CNTNAP5: variants seen among roughly 807,000 people sequenced by gnomAD.
The protein encoded by CNTNAP5 is contactin associated protein family member 5.
CNTNAP5 carries 72 observed loss-of-function variants against 150.2 expected under a neutral mutation model. That is an observed-to-expected ratio of 0.48 (90% CI 0.40 to 0.58). CNTNAP5 has a LOEUF of 0.58. Ranked by LOEUF, CNTNAP5 falls within the 20% of genes least tolerant of loss-of-function variation. The pLI, the probability that CNTNAP5 is intolerant of heterozygous loss-of-function variation, is 0.00. For synonymous variants in CNTNAP5, 672 were observed against 619.8 expected (o/e 1.08, Z -1.25); for missense variants, 1,636 against 1,626.2 (o/e 1.01, Z -0.10).
intron 3 of CNTNAP5, among the ~76,000 whole-genome samples, chr2:124,263,212 A>G (rs140759140): frequency 0.077 from 11,700 of 152,252 alleles, 617 homozygotes; most frequent in Non-Finnish European, 0.12. Context: ...TAGATCCTTG[A>G]GGAATCGCCA....
At chr2:124,835,130 A>G (rs1682802413) in intron 19 of CNTNAP5, among the ~76,000 whole-genome samples, 1 of 152,180 alleles carries the variant, frequency 6.6e-6, no homozygotes, top group South Asian at 2.1e-4. Context: ...TAATCAAACT[A>G]CACAGTTTTA....
chr2:124,319,012 T>C (rs1431328564), intron 3 of CNTNAP5, among the ~76,000 whole-genome samples: 1 of 152,176 alleles, frequency 6.6e-6, no homozygotes, highest in Admixed American at 6.5e-5. Flanking sequence ...GTTTTTAGCC[T>C]TTTCCACTGG....
At position 124,859,240 on chromosome 2, in the gene CNTNAP5, T is replaced by C. The variant is rs1434937109; in HGVS notation, c.3218-6066T>C. ...AAAAACAAACAACCCCATCAACAAGTGGGCAAAGGATATGAACAGACACTT... is the reference window on the plus strand; with the variant it reads ...AAAAACAAACAACCCCATCAACAAGCGGGCAAAGGATATGAACAGACACTT... On this transcript the variant is annotated intron_variant, in intron 19 of 23. Transcript: ENST00000682447. Among the ~76,000 whole-genome samples the C allele has an allele frequency of 9.2e-5, 14 of 152,158 alleles. No homozygotes were observed. In the East Asian group the frequency reaches 2.7e-3, roughly 29 times the overall value.
chr2:124,376,347 T>C (rs1042218254), intron 3 of CNTNAP5, among the ~76,000 whole-genome samples: 2 of 152,086 alleles, frequency 1.3e-5, no homozygotes, highest in African/African-American at 4.8e-5. Flanking sequence ...TAGACATTAC[T>C]AGGAAGCAAT....
intron 13 of CNTNAP5, among the ~76,000 whole-genome samples, chr2:124,649,720 C>T (rs192378500): frequency 1.2e-3 from 183 of 152,192 alleles, no homozygotes; most frequent in Admixed American, 2.3e-3. Flanking sequence ...TCTATAGTTT[C>T]GATTTCACCA....
At chr2:124,880,789 T>C (rs1381077667) in intron 21 of CNTNAP5, among the ~76,000 whole-genome samples, 1 of 152,158 alleles carries the variant, frequency 6.6e-6, no homozygotes, top group Non-Finnish European at 1.5e-5. Flanking sequence ...ATAAATAGTT[T>C]TGATAAGTGC....
At chr2:124,460,651 A>G (rs1693224732) in intron 6 of CNTNAP5, among the ~76,000 whole-genome samples, 1 of 152,156 alleles carries the variant, frequency 6.6e-6, no homozygotes, top group Admixed American at 6.5e-5. Context: ...TATTTCTGTG[A>G]ATTATAAATG....
chr2:124,035,363 T>C (rs1385841826), intron 1 of CNTNAP5, among the ~76,000 whole-genome samples: 1 of 151,516 alleles, frequency 6.6e-6, no homozygotes, highest in Non-Finnish European at 1.5e-5. Flanking sequence ...TCCTTCTCTT[T>C]CCTCTCGTCT....
chr2:124,300,413 A>G (rs1356799779), intron 3 of CNTNAP5, among the ~76,000 whole-genome samples: 2 of 152,222 alleles, frequency 1.3e-5, no homozygotes, highest in Non-Finnish European at 2.9e-5. Flanking sequence ...TGCTGGAGGA[A>G]GGGTGGTTTA....
chr2:124,032,368 T>A (rs1681077750), intron 1 of CNTNAP5, among the ~76,000 whole-genome samples: 1 of 152,128 alleles, frequency 6.6e-6, no homozygotes, highest in South Asian at 2.1e-4. Flanking sequence ...TTTAAAGCTA[T>A]GGAGATTCAT....
At chr2:124,649,428 C>T (rs1334482682) in intron 13 of CNTNAP5, among the ~76,000 whole-genome samples, 7 of 152,142 alleles carry the variant, frequency 4.6e-5, no homozygotes, top group African/African-American at 4.8e-5. Flanking sequence ...CTTCTCATTG[C>T]GTTGTTTCTA....
intron 1 of CNTNAP5, among the ~76,000 whole-genome samples, chr2:124,196,645 C>T (rs974284615): frequency 2.6e-5 from 4 of 152,078 alleles, no homozygotes; most frequent in Admixed American, 6.5e-5. Flanking sequence ...GAAAGCATCC[C>T]ACTTCCCACT....
intron 11 of CNTNAP5, among the ~76,000 whole-genome samples, chr2:124,591,266 T>C (rs1007767575): frequency 1.1e-4 from 17 of 152,168 alleles, no homozygotes; most frequent in African/African-American, 4.1e-4. Flanking sequence ...CAACAGAAAA[T>C]GTGATGATTT....
chr2:124,627,957 A>T (rs539175353), intron 12 of CNTNAP5, among the ~76,000 whole-genome samples: 1 of 152,342 alleles, frequency 6.6e-6, no homozygotes, highest in African/African-American at 2.4e-5. Context: ...CAAGTGGAAG[A>T]GAAATGGCAG....
intron 13 of CNTNAP5, among the ~76,000 whole-genome samples, chr2:124,664,959 T>C (rs1678668361): frequency 6.6e-6 from 1 of 152,194 alleles, no homozygotes; most frequent in Non-Finnish European, 1.5e-5. Context: ...AGTGCTGGGA[T>C]TATAGGCGTG....
intron 1 of CNTNAP5, among the ~76,000 whole-genome samples, chr2:124,052,691 TA>T: frequency 6.6e-6 from 1 of 152,236 alleles, no homozygotes. Context: ...ATGATCTATA[TA>T]AAATGGATAC....
chr2:124,269,628 G>T (rs1687692478), intron 3 of CNTNAP5, among the ~76,000 whole-genome samples: 1 of 152,068 alleles, frequency 6.6e-6, no homozygotes, highest in East Asian at 1.9e-4. Flanking sequence ...GGCCTCTGCA[G>T]ACTGACCCGA....
intron 16 of CNTNAP5, among the ~76,000 whole-genome samples, chr2:124,766,575 G>T (rs1284458800): frequency 6.6e-6 from 1 of 152,140 alleles, no homozygotes; most frequent in Non-Finnish European, 1.5e-5. Flanking sequence ...CTATTAATGG[G>T]AGGAAGCTCT....
chr2:124,833,729 TTTCAA>T (rs1432785133), intron 19 of CNTNAP5, among the ~76,000 whole-genome samples: 2 of 152,110 alleles, frequency 1.3e-5, no homozygotes, highest in Non-Finnish European at 2.9e-5. Context: ...CACATCAGGG[TTTCAA>T]TTCAAGTGTA....
Sources: allele counts gnomAD v4.1 joint callset (sites outside exome capture counted in the v4.1 genomes callset), GRCh38; gene constraint gnomAD v4.1.1; transcripts MANE v1.5; gene names NCBI Gene and HGNC (gene_info 2026-07-23, HGNC 2026-07-21).